SLC17A1: variants seen among roughly 807,000 people sequenced by gnomAD.
SLC17A1 encodes the protein solute carrier family 17 member 1.
A neutral mutation model predicts 53.5 loss-of-function variants in SLC17A1; 51 were observed. The ratio of observed to expected loss-of-function variants is 0.95; its 90% CI spans 0.76 to 1.20. The LOEUF is 1.20. Ranked by LOEUF, SLC17A1 falls within the 50% of genes most tolerant of loss-of-function variation. The probability of loss-of-function intolerance (pLI) is 0.00; values close to 1 mark genes in which losing one functional copy is unlikely to be tolerated. For synonymous variants in SLC17A1, 179 were observed against 198.8 expected (o/e 0.90, Z 0.84); for missense variants, 538 against 568.2 (o/e 0.95, Z 0.54).
chr6:25,743,766 T>C, the SLC17A1 span, among the ~76,000 whole-genome samples: 2 of 152,166 alleles, frequency 1.3e-5, no homozygotes, highest in African/African-American at 4.8e-5. Flanking sequence ...GAAAATTAGG[T>C]AATGTTTCAA....
intron 6 of SLC17A1, among the ~76,000 whole-genome samples, chr6:25,813,767 G>A (rs1182963996): frequency 6.6e-6 from 1 of 152,106 alleles, no homozygotes; most frequent in Admixed American, 6.5e-5. Flanking sequence ...CTCAGTGTGT[G>A]TTGTTCCCCT....
At chr6:25,753,116 A>G in the SLC17A1 span, among the ~76,000 whole-genome samples, 165 of 152,344 alleles carry the variant, frequency 1.1e-3, 2 homozygotes, top group Admixed American at 0.01. Flanking sequence ...AGACCATATT[A>G]GAGGCTTCTT....
intron 1 of SLC17A1, 135 bp from the exon 2 acceptor site, chr6:25,830,742 A>G (rs545532779): frequency 2.1e-4 from 108 of 503,664 alleles, no homozygotes; most frequent in Non-Finnish European, 3.6e-4. Context: ...ATTCACCTCC[A>G]TTATGTGCTT....
intron 3 of SLC17A1, among the ~76,000 whole-genome samples, chr6:25,822,685 C>T (rs1406475067): frequency 1.3e-5 from 2 of 152,214 alleles, no homozygotes; most frequent in East Asian, 1.9e-4. Flanking sequence ...TAAAATACAA[C>T]TCCCGTGAGT....
rs1764213220 is a variant in SLC17A1, at chr6:25,813,007, A to T, written c.736-15T>A. ...CTTGAACTGACCTGGAGAGAAATTC[A>T]TTAAGAATTAGCACATTAGAACAAA... is the stretch of plus-strand genomic sequence containing the variant. On this transcript the variant is annotated splice_polypyrimidine_tract_variant and intron_variant, in intron 7 of 12. Coordinates refer to ENST00000244527, the MANE Select transcript of SLC17A1 (RefSeq NM_005074.5). The T allele has an allele frequency of 6.2e-7, 1 of 1,613,760 alleles. No homozygotes were observed. Among genetic ancestry groups the T allele is most frequent in the Non-Finnish European group, 8.5e-7 (1 of 1,179,816 alleles).
At chr6:25,733,981 GT>G in the SLC17A1 span, among the ~76,000 whole-genome samples, 1 of 151,778 alleles carries the variant, frequency 6.6e-6, no homozygotes, top group Non-Finnish European at 1.5e-5. Context: ...TACCTGGCTA[GT>G]TTTTTGTATT....
In SLC17A1 at chr6:25,800,928, G is replaced by C; in HGVS notation, c.1231C>G (p.Leu411Val). ...AATCCAGTCAAAGTGGAAGCAATTAGTCCTCCTATCATTCCAGTTAAAGTT... is the reference window on the plus strand; with the variant it reads ...AATCCAGTCAAAGTGGAAGCAATTACTCCTCCTATCATTCCAGTTAAAGTT... ...CSTLTGMIGG[L>V]IASTLTGLIL... is the part of the protein sequence containing the mutation. Residue 411 changes from leucine (L) to valine (V), a missense_variant, in exon 11 of 13, where the codon CTA (leucine) becomes GTA (valine). Transcript: ENST00000244527. 1 of 1,610,134 alleles carries C rather than the reference G, an allele frequency of 6.2e-7. No homozygotes were observed. The highest frequency in any genetic ancestry group is 1.1e-5 in the South Asian group (1 of 90,956).
intron 3 of SLC17A1, among the ~76,000 whole-genome samples, chr6:25,824,096 G>T (rs1478335568): frequency 6.6e-6 from 1 of 151,838 alleles, no homozygotes; most frequent in Non-Finnish European, 1.5e-5. Flanking sequence ...AATTCAAAAT[G>T]AATCATAGAT....
At chr6:25,726,101 C>CTTA in the SLC17A1 span, 3 of 1,501,574 alleles carry the variant, frequency 2.0e-6, no homozygotes, top group Non-Finnish European at 2.7e-6. Context: ...TTTTCTGACA[C>CTTA]AGAAGTCTTT....
the SLC17A1 span, among the ~76,000 whole-genome samples, chr6:25,744,320 T>C: frequency 2.6e-5 from 4 of 152,164 alleles, no homozygotes; most frequent in Middle Eastern, 0.014. Context: ...GGGGAAGTGG[T>C]GAAGTATGAG....
At chr6:25,767,899 A>G in the SLC17A1 span, among the ~76,000 whole-genome samples, 2 of 152,206 alleles carry the variant, frequency 1.3e-5, no homozygotes, top group Non-Finnish European at 2.9e-5. Context: ...GCTGATGAAT[A>G]TGATAGGAAA....
At chr6:25,734,044 G>A in the SLC17A1 span, among the ~76,000 whole-genome samples, 1 of 152,016 alleles carries the variant, frequency 6.6e-6, no homozygotes, top group African/African-American at 2.4e-5. Context: ...TCAAACTCCT[G>A]ACCTCAGTTG....
chr6:25,773,319 T>C, the SLC17A1 span: 1 of 1,613,986 alleles, frequency 6.2e-7, no homozygotes, highest in Non-Finnish European at 8.5e-7. Context: ...TCCTCTCATT[T>C]ATGATGATCC....
chr6:25,770,498 A>G, the SLC17A1 span: 1 of 1,602,598 alleles, frequency 6.2e-7, no homozygotes, highest in Non-Finnish European at 8.6e-7. Flanking sequence ...ACCTCACTTT[A>G]CATGCACTGT....
At chr6:25,780,301 G>A (rs1763234238), downstream of SLC17A1, 1 of 152,192 alleles carries the variant, frequency 6.6e-6, no homozygotes, top group African/African-American at 2.4e-5. Flanking sequence ...TTTAATCAAA[G>A]TATCACACAA....
At chr6:25,768,323 G>A in the SLC17A1 span, 160 of 971,664 alleles carry the variant, frequency 1.6e-4, no homozygotes, top group Non-Finnish European at 1.8e-4. Flanking sequence ...TTACCTCTGG[G>A]ATTTCTCTAC....
At chr6:25,725,349 T>C in the SLC17A1 span, among the ~76,000 whole-genome samples, 1 of 152,368 alleles carries the variant, frequency 6.6e-6, no homozygotes, top group South Asian at 2.1e-4. Context: ...ATAATTCTAT[T>C]ATTCTTTACA....
intron 12 of SLC17A1, among the ~76,000 whole-genome samples, chr6:25,794,202 C>T (rs866792933): frequency 2.0e-5 from 3 of 152,164 alleles, no homozygotes; most frequent in East Asian, 3.9e-4. Flanking sequence ...TCTCTATAAA[C>T]AGTGAACTCT....
the SLC17A1 span, chr6:25,770,778 A>G: frequency 4.4e-6 from 3 of 688,498 alleles, no homozygotes; most frequent in African/African-American, 5.3e-5. Context: ...TAACTTCTCC[A>G]AGATCACATA....
Sources: allele counts gnomAD v4.1 joint callset (sites outside exome capture counted in the v4.1 genomes callset), GRCh38; gene constraint gnomAD v4.1.1; transcripts MANE v1.5; gene names NCBI Gene and HGNC (gene_info 2026-07-23, HGNC 2026-07-21).